The following RTTN variants were observed in gnomAD, a reference collection of about 807,000 sequenced individuals.
RTTN encodes rotatin.
RTTN carries 182 observed loss-of-function variants against 269.2 expected under a neutral mutation model. That is an observed-to-expected ratio of 0.68 (90% CI 0.60 to 0.76). RTTN has a LOEUF of 0.76. RTTN is among the 30% of genes least tolerant of loss of function. The pLI is 0.00. For synonymous variants in RTTN, 1,006 were observed against 963.5 expected (o/e 1.04, Z -0.82); for missense variants, 2,545 against 2,608.6 (o/e 0.98, Z 0.53).
chr18:70,201,605 C>G (rs1426271961), intron 4 of RTTN, among the ~76,000 whole-genome samples: 1 of 21,122 alleles, frequency 4.7e-5, no homozygotes, highest in Non-Finnish European at 1.7e-4. Context: ...GAGACTCCAT[C>G]TCAAAAAAAA....
chr18:70,006,565 CCT>C, intron 46 of RTTN, 81 bp from the exon 47 acceptor site: 2 of 1,032,590 alleles, frequency 1.9e-6, no homozygotes, highest in Middle Eastern at 4.2e-4. Flanking sequence ...CAGACACCCC[CCT>C]CTTTTCCCAT....
At chr18:70,005,300 T>C (rs766072709) in intron 47 of RTTN, 33 bp from the exon 48 acceptor site, 9 of 1,520,422 alleles carry the variant, frequency 5.9e-6, no homozygotes, top group African/African-American at 1.4e-5. Flanking sequence ...TTTCTTGCCA[T>C]GTGTTATGGA....
intron 14 of RTTN, among the ~76,000 whole-genome samples, chr18:70,158,117 T>C (rs1443643669): frequency 6.6e-6 from 1 of 151,918 alleles, no homozygotes; most frequent in Non-Finnish European, 1.5e-5. Flanking sequence ...GAGATACTAT[T>C]CAAGATGACC....
intron 19 of RTTN, among the ~76,000 whole-genome samples, chr18:70,140,742 T>C (rs1487300323): frequency 6.6e-6 from 1 of 152,156 alleles, no homozygotes; most frequent in Non-Finnish European, 1.5e-5. Flanking sequence ...TATTCACATA[T>C]TATGTTTGTA....
chr18:70,093,757 A>C (rs987779832), intron 28 of RTTN, among the ~76,000 whole-genome samples: 4 of 152,026 alleles, frequency 2.6e-5, no homozygotes, highest in Non-Finnish European at 5.9e-5. Flanking sequence ...ATGACCTGAA[A>C]TTTTCTTTTT....
intron 34 of RTTN, among the ~76,000 whole-genome samples, chr18:70,070,291 C>A (rs971154627): frequency 1.3e-5 from 2 of 152,214 alleles, no homozygotes; most frequent in African/African-American, 4.8e-5. Context: ...GGTTGTTAGA[C>A]TCTGGATAAT....
chr18:70,118,758 CAGGGATGCA>C (rs2059660239), intron 26 of RTTN, among the ~76,000 whole-genome samples: 1 of 151,986 alleles, frequency 6.6e-6, no homozygotes, highest in Non-Finnish European at 1.5e-5. Flanking sequence ...GAATTCATTC[CAGGGATGCA>C]AGGATGGTTC....
At chr18:70,157,473 T>C (rs1171192908) in intron 14 of RTTN, among the ~76,000 whole-genome samples, 1 of 152,116 alleles carries the variant, frequency 6.6e-6, no homozygotes, top group East Asian at 1.9e-4. Context: ...CCATCCAAAG[T>C]ACAGCAACTT....
intron 28 of RTTN, among the ~76,000 whole-genome samples, chr18:70,099,532 C>A (rs182126397): frequency 2.0e-5 from 3 of 152,152 alleles, no homozygotes; most frequent in Admixed American, 6.5e-5. Context: ...CTGTAGGTTG[C>A]CTGTTCACTC....
At chr18:70,067,715 G>A (rs1228706257) in intron 34 of RTTN, among the ~76,000 whole-genome samples, 1 of 152,160 alleles carries the variant, frequency 6.6e-6, no homozygotes, top group Non-Finnish European at 1.5e-5. Context: ...TCTTTCAACT[G>A]ATAAAGACTC....
Position 70,017,337 on chromosome 18 carries a change from T to G in RTTN, c.6421+70A>C, listed in dbSNP as rs1490104445. 3 of 1,372,698 alleles carry G rather than the reference T, an allele frequency of 2.2e-6. No individual in the cohort carries two copies. The African/African-American group carries it at 4.4e-5, about 20-fold the overall frequency. 85.0% of individuals were successfully genotyped at this position (1,372,698 alleles called of 1,614,324 possible). On this transcript the variant is annotated intron_variant, in intron 46 of 48. Coordinates refer to ENST00000640769, the MANE Select transcript of RTTN (RefSeq NM_173630.4). ...AATGCCTAGAAAATTATTTATAAAA[T>G]TATTTGGTGTTGACCTGAACAGTCT...
chr18:70,204,171 T>C lies in RTTN; in HGVS notation c.312A>G (p.Glu104=). 1.9e-6 allele frequency: 3 copies of C among 1,614,084 alleles called. No individual in the cohort carries two copies. Among genetic ancestry groups the C allele is most frequent in the Non-Finnish European group, 2.5e-6 (3 of 1,179,980 alleles). The change falls in exon 3 of 49, where the codon GAA becomes GAG. Residue 104 remains glutamate, a synonymous_variant. Transcript: ENST00000640769. ...RSNVEPNLQA[E]IDGILDGLFL... is the part of the protein sequence containing the mutation. ...AAAGTCCATCCAGAATGCCATCAAT[T>C]TCAGCCTGCAGATTTGGCTCCACAT...
At chr18:70,112,623 T>C (rs2059501469) in intron 27 of RTTN, among the ~76,000 whole-genome samples, 1 of 152,014 alleles carries the variant, frequency 6.6e-6, no homozygotes, top group South Asian at 2.1e-4. Context: ...CTAACTATCC[T>C]AAATATATAT....
chr18:70,162,085 AT>A (rs754000849), intron 14 of RTTN, among the ~76,000 whole-genome samples: 18 of 152,352 alleles, frequency 1.2e-4, no homozygotes, highest in Admixed American at 8.5e-4. Flanking sequence ...ATTACTCACA[AT>A]AGCAAAGACA....
At chr18:70,030,793 T>A in intron 41 of RTTN, 83 bp downstream of exon 41, 1 of 1,047,628 alleles carries the variant, frequency 9.5e-7, no homozygotes, top group Non-Finnish European at 1.4e-6. Flanking sequence ...ACATTTTGAG[T>A]CCAAAGAAAA....
intron 14 of RTTN, among the ~76,000 whole-genome samples, chr18:70,165,212 C>T (rs1331441068): frequency 2.6e-5 from 4 of 151,884 alleles, no homozygotes; most frequent in Non-Finnish European, 4.4e-5. Context: ...AACTTAATAG[C>T]AGTTAAGGTG....
intron 7 of RTTN, among the ~76,000 whole-genome samples, chr18:70,195,397 T>A (rs980573783): frequency 6.6e-6 from 1 of 152,244 alleles, no homozygotes; most frequent in African/African-American, 2.4e-5. Flanking sequence ...CTTCTCCTTA[T>A]CTCAAGCAAA....
chr18:70,146,267 A>C (rs150415626), intron 17 of RTTN, among the ~76,000 whole-genome samples: 1 of 152,336 alleles, frequency 6.6e-6, no homozygotes, highest in Admixed American at 6.5e-5. Context: ...ATTCCTGTCA[A>C]ATATGAAAAT....
rs377497300 is a variant in RTTN at position 70,025,461 on chromosome 18, C to T, written c.5824-613G>A. Among the ~76,000 whole-genome samples the T allele has an allele frequency of 2.0e-5, 3 of 152,182 alleles. No individual in the cohort carries two copies. The East Asian group carries it at 5.8e-4, about 29-fold the overall frequency. On this transcript the variant is annotated intron_variant, in intron 43 of 48. Transcript: ENST00000640769. ...TGCAGCAATATCTATTTTAAATGAACAAGAATTCCGAGGTAATTTGTAGAC... is the reference window on the plus strand; with the variant it reads ...TGCAGCAATATCTATTTTAAATGAATAAGAATTCCGAGGTAATTTGTAGAC...
Sources: gnomAD v4.1 joint callset for allele counts (sites outside exome capture counted in the v4.1 genomes callset) on GRCh38, gnomAD v4.1.1 for gene constraint, MANE v1.5 for transcripts, NCBI Gene and HGNC (gene_info 2026-07-23, HGNC 2026-07-21) for gene names.